Variants in CDC14A observed in about 807,000 individuals in gnomAD.
The protein encoded by CDC14A is dual specificity protein phosphatase CDC14A.
CDC14A carries 53 observed loss-of-function variants against 74.4 expected under a neutral mutation model. The observed-to-expected ratio is 0.71, with a 90% confidence interval of 0.57 to 0.89. The LOEUF is 0.89. CDC14A is among the 40% of genes least tolerant of loss of function. CDC14A has a pLI of 0.00. For missense variants in CDC14A, 646 were observed against 713.7 expected (o/e 0.91, Z 1.08); for synonymous variants, 247 against 258.4 (o/e 0.96, Z 0.43).
intron 2 of CDC14A, among the ~76,000 whole-genome samples, chr1:100,367,226 C>A (rs567187109): frequency 2.6e-5 from 4 of 152,340 alleles, no homozygotes; most frequent in Admixed American, 2.6e-4. Flanking sequence ...TCCTCTTCCA[C>A]CCTGCTTTTG....
At chr1:100,505,261 G>A (rs528819103) in intron 15 of CDC14A, among the ~76,000 whole-genome samples, 1 of 152,232 alleles carries the variant, frequency 6.6e-6, no homozygotes, top group African/African-American at 2.4e-5. Flanking sequence ...CTCTTTTCTA[G>A]TGTTAGTAGC....
intron 4 of CDC14A, among the ~76,000 whole-genome samples, chr1:100,417,256 G>A (rs1661658041): frequency 6.6e-6 from 1 of 152,190 alleles, no homozygotes; most frequent in Non-Finnish European, 1.5e-5. Context: ...GGTAGGCTCA[G>A]GTTGAGTCTG....
chr1:100,422,407 C>T (rs555311407), intron 4 of CDC14A, among the ~76,000 whole-genome samples: 2 of 152,172 alleles, frequency 1.3e-5, no homozygotes, highest in Non-Finnish European at 2.9e-5. Context: ...TACAAGCAGC[C>T]CTCCCTTTTA....
Position 100,519,425 on chromosome 1 carries a change from G to A in CDC14A, c.*1145G>A, listed in dbSNP as rs1650514720. The A allele has an allele frequency of 2.0e-5, 3 of 152,142 alleles. No individual in the cohort carries two copies. Among genetic ancestry groups the A allele is most frequent in the Admixed American group, 1.3e-4 (2 of 15,270 alleles). 9.4% of individuals were successfully genotyped at this position (152,142 alleles called of 1,614,324 possible). ...CTGATATTTAGGTCTTCAGAAGCCTGTAGGTTTCATTTCTATGAGGAATCG... is the reference window on the plus strand; with the variant it reads ...CTGATATTTAGGTCTTCAGAAGCCTATAGGTTTCATTTCTATGAGGAATCG... On this transcript the variant is annotated 3_prime_UTR_variant, in exon 16 of 16. Coordinates refer to ENST00000336454, the MANE Select transcript of CDC14A (RefSeq NM_003672.4).
chr1:100,471,038 C>A (rs968791989), intron 10 of CDC14A, among the ~76,000 whole-genome samples: 2 of 151,888 alleles, frequency 1.3e-5, no homozygotes, highest in African/African-American at 4.8e-5. Flanking sequence ...TGTCCGTCAA[C>A]AATTTATGAG....
intron 4 of CDC14A, among the ~76,000 whole-genome samples, chr1:100,411,006 G>A (rs1660621101): frequency 6.6e-6 from 1 of 150,730 alleles, no homozygotes; most frequent in Non-Finnish European, 1.5e-5. Flanking sequence ...CTCTGGTAGA[G>A]CTGTATAGTG....
chr1:100,490,244 A>G (rs1670477456), intron 11 of CDC14A, among the ~76,000 whole-genome samples: 1 of 152,192 alleles, frequency 6.6e-6, no homozygotes, highest in Non-Finnish European at 1.5e-5. Flanking sequence ...CCAGGAGGCC[A>G]AAGTCCTTTT....
intron 11 of CDC14A, among the ~76,000 whole-genome samples, chr1:100,489,479 A>T (rs906010078): frequency 1.3e-5 from 2 of 151,976 alleles, no homozygotes; most frequent in African/African-American, 4.8e-5. Context: ...TACTTTATCT[A>T]GCTGAAATCT....
rs28364871 is a variant in CDC14A, at chr1:100,455,345, C to T, written c.520-60C>T. 0.01 allele frequency: 11,326 copies of T among 1,124,880 alleles called. 96 individuals are homozygous for T. Among genetic ancestry groups the T allele is most frequent in the Middle Eastern group, 0.015 (61 of 3,962 alleles). The allele number at this position is 1,124,880 out of a possible 1,614,324, so 69.7% of individuals were successfully genotyped here. On this transcript the variant is annotated intron_variant, in intron 7 of 15. Transcript: ENST00000336454. ...AAAGCAGTTTTATTTGTAAGGGTTT[C>T]CTAAATTGTATAAGAATTATAAAAT...
chr1:100,497,317 C>T (rs1647992589), intron 13 of CDC14A, among the ~76,000 whole-genome samples: 1 of 152,118 alleles, frequency 6.6e-6, no homozygotes, highest in African/African-American at 2.4e-5. Flanking sequence ...ACTGGACAAA[C>T]GTGTGGACGC....
At chr1:100,439,839 A>C (rs183383528) in intron 5 of CDC14A, 93 bp from the exon 6 acceptor site, 1 of 847,750 alleles carries the variant, frequency 1.2e-6, no homozygotes, top group Non-Finnish European at 2.0e-6. Flanking sequence ...GTGAAGCCAA[A>C]CAAGCACATC....
chr1:100,420,069 T>C (rs1162367604), intron 4 of CDC14A, among the ~76,000 whole-genome samples: 9 of 110,310 alleles, frequency 8.2e-5, no homozygotes, highest in Non-Finnish European at 1.4e-4. Context: ...CACACATATA[T>C]ATATATATAT....
chr1:100,457,677 C>T (rs969028458), intron 8 of CDC14A, among the ~76,000 whole-genome samples: 5 of 150,748 alleles, frequency 3.3e-5, no homozygotes, highest in African/African-American at 7.3e-5. Context: ...CTATGTTGCC[C>T]GGGCTGGTCT....
At chr1:100,362,828 C>G (rs1648541342) in intron 2 of CDC14A, among the ~76,000 whole-genome samples, 1 of 152,060 alleles carries the variant, frequency 6.6e-6, no homozygotes, top group South Asian at 2.1e-4. Context: ...GGGGTAAATA[C>G]CCGGGGTTCT....
At chr1:100,409,423 A>T (rs987307547) in intron 4 of CDC14A, among the ~76,000 whole-genome samples, 1 of 152,090 alleles carries the variant, frequency 6.6e-6, no homozygotes, top group African/African-American at 2.4e-5. Flanking sequence ...CAGAGTCTTA[A>T]CTCATTTCAG....
chr1:100,363,975 C>G (rs1428984664), intron 2 of CDC14A, among the ~76,000 whole-genome samples: 2 of 151,948 alleles, frequency 1.3e-5, no homozygotes, highest in Non-Finnish European at 1.5e-5. Flanking sequence ...ACAAAAAATA[C>G]AAAAATTAGC....
chr1:100,418,559 G>A (rs1471426327), intron 4 of CDC14A, among the ~76,000 whole-genome samples: 1 of 152,154 alleles, frequency 6.6e-6, no homozygotes, highest in Non-Finnish European at 1.5e-5. Context: ...TTTGAGCAGG[G>A]TTGAGACTTT....
intron 13 of CDC14A, among the ~76,000 whole-genome samples, chr1:100,496,935 T>C (rs1240217284): frequency 6.6e-6 from 1 of 152,174 alleles, no homozygotes. Flanking sequence ...CTCTCCAGAT[T>C]TGAGTCAGTT....
chr1:100,393,718 G>A (rs1396997290), intron 4 of CDC14A: 7 of 374,512 alleles, frequency 1.9e-5, no homozygotes, highest in African/African-American at 4.2e-5. Context: ...CACTTTGGGA[G>A]GCTGAGGCGG....
Sources: gnomAD v4.1 joint callset for allele counts (sites outside exome capture counted in the v4.1 genomes callset) on GRCh38, gnomAD v4.1.1 for gene constraint, MANE v1.5 for transcripts, NCBI Gene and HGNC (gene_info 2026-07-23, HGNC 2026-07-21) for gene names.